Variants in DNM3 observed in about 807,000 individuals in gnomAD.
The protein encoded by DNM3 is dynamin-3.
In DNM3, 47 loss-of-function variants were observed where a neutral mutation model predicts 101.6. The ratio of observed to expected loss-of-function variants is 0.46; its 90% confidence interval spans 0.37 to 0.59. The LOEUF (loss-of-function observed/expected upper bound fraction) is 0.59, where lower values mean the gene tolerates loss of function less well. Ranked by LOEUF, DNM3 falls within the 20% of genes least tolerant of loss-of-function variation. The probability of loss-of-function intolerance (pLI) is 0.00; values close to 1 mark genes in which losing one functional copy is unlikely to be tolerated. For missense variants in DNM3, 849 were observed against 1,085.7 expected (o/e 0.78, Z 3.06); for synonymous variants, 385 against 387.9 (o/e 0.99, Z 0.09).
At chr1:171,888,530 G>A (rs369899766) in intron 1 of DNM3, among the ~76,000 whole-genome samples, 7 of 152,108 alleles carry the variant, frequency 4.6e-5, no homozygotes, top group Admixed American at 2.0e-4. Flanking sequence ...TCCTGACCTC[G>A]AGTAAATAAT....
chr1:172,399,332 G>A (rs1190990667), intron 20 of DNM3, among the ~76,000 whole-genome samples: 1 of 152,136 alleles, frequency 6.6e-6, no homozygotes, highest in Admixed American at 6.5e-5. Context: ...TCAAATTCTT[G>A]AGCCAGTGTC....
intron 17 of DNM3, among the ~76,000 whole-genome samples, chr1:172,357,255 T>C (rs944449991): frequency 6.6e-6 from 1 of 152,078 alleles, no homozygotes; most frequent in African/African-American, 2.4e-5. Flanking sequence ...GATATTCACA[T>C]AGCCTCAAAT....
At chr1:172,109,768 A>G (rs1287798609) in intron 13 of DNM3, among the ~76,000 whole-genome samples, 1 of 152,212 alleles carries the variant, frequency 6.6e-6, no homozygotes, top group East Asian at 1.9e-4. Flanking sequence ...TTAGTTTTCA[A>G]TGGAAATCAG....
intron 1 of DNM3, among the ~76,000 whole-genome samples, chr1:171,851,393 T>G (rs1028693840): frequency 9.2e-5 from 14 of 152,166 alleles, no homozygotes; most frequent in Admixed American, 7.2e-4. Context: ...TGAGAATAGT[T>G]GAGTGGGCTT....
At chr1:172,162,872 A>G (rs952026151) in intron 14 of DNM3, among the ~76,000 whole-genome samples, 3 of 152,118 alleles carry the variant, frequency 2.0e-5, no homozygotes, top group Admixed American at 2.0e-4. Flanking sequence ...TATGCAAAAG[A>G]TATTTTGTGA....
chr1:172,135,593 TC>T (rs532594000), intron 14 of DNM3, among the ~76,000 whole-genome samples: 136 of 152,268 alleles, frequency 8.9e-4, no homozygotes, highest in African/African-American at 2.6e-3. Context: ...AAAATTAATT[TC>T]CCAATGTTGT....
At chr1:172,335,840 C>T (rs1469518303) in intron 17 of DNM3, among the ~76,000 whole-genome samples, 2 of 152,018 alleles carry the variant, frequency 1.3e-5, no homozygotes, top group South Asian at 2.1e-4. Context: ...TTTTTGGGTA[C>T]TATGCTCAGT....
At chr1:172,267,947 C>T (rs542448872) in intron 15 of DNM3, among the ~76,000 whole-genome samples, 9 of 152,216 alleles carry the variant, frequency 5.9e-5, no homozygotes, top group East Asian at 3.9e-4. Context: ...CTCCTGACCT[C>T]GTGATTCACC....
chr1:171,857,187 T>C (rs1299900333), intron 1 of DNM3, among the ~76,000 whole-genome samples: 2 of 152,150 alleles, frequency 1.3e-5, no homozygotes, highest in Admixed American at 1.3e-4. Context: ...GTGCCTGGAG[T>C]CAGGCTTTAG....
intron 12 of DNM3, among the ~76,000 whole-genome samples, chr1:172,087,236 A>G (rs1340372259): frequency 6.6e-6 from 1 of 152,026 alleles, no homozygotes; most frequent in Non-Finnish European, 1.5e-5. Flanking sequence ...CACTCTAGCC[A>G]CTTCTCAGTC....
At chr1:172,301,800 A>C (rs991323411) in intron 15 of DNM3, among the ~76,000 whole-genome samples, 2 of 152,188 alleles carry the variant, frequency 1.3e-5, no homozygotes, top group Non-Finnish European at 2.9e-5. Context: ...GCATGACACA[A>C]GATAATAGAG....
chr1:172,195,888 G>A (rs546149964), intron 14 of DNM3, among the ~76,000 whole-genome samples: 1 of 149,928 alleles, frequency 6.7e-6, no homozygotes, highest in East Asian at 2.0e-4. Context: ...TTCCTTTTTT[G>A]TAGTAACTAT....
intron 14 of DNM3, among the ~76,000 whole-genome samples, chr1:172,134,326 G>A (rs963942051): frequency 1.1e-4 from 17 of 152,102 alleles, no homozygotes; most frequent in Non-Finnish European, 2.2e-4. Context: ...ATTTAAGCAG[G>A]TATAATGACT....
Position 171,935,635 on chromosome 1 carries a change from T to C in DNM3, c.235+13814T>C, listed in dbSNP as rs953466687. Among the ~76,000 whole-genome samples, 11 of 152,222 alleles carry C rather than the reference T, an allele frequency of 7.2e-5. 2 individuals are homozygous for C. The South Asian group carries it at 2.3e-3, about 32-fold the overall frequency. Reference sequence around the variant, plus strand: ...CTCCAGCGCCATGTTGAAACTGGCTTATGCCAGCTCCTAAGATCTGATTGT... The same window carrying C: ...CTCCAGCGCCATGTTGAAACTGGCTCATGCCAGCTCCTAAGATCTGATTGT... On this transcript the variant is annotated intron_variant, in intron 2 of 20. Transcript: ENST00000627582.
At chr1:172,203,739 A>G (rs908276273) in intron 14 of DNM3, among the ~76,000 whole-genome samples, 1 of 152,180 alleles carries the variant, frequency 6.6e-6, no homozygotes, top group Non-Finnish European at 1.5e-5. Flanking sequence ...TCTTATTATT[A>G]AATAGTGTGT....
chr1:171,883,406 CACACACACCCT>C (rs768977373), intron 1 of DNM3, among the ~76,000 whole-genome samples: 13,421 of 127,022 alleles, frequency 0.11, 777 homozygotes, highest in Middle Eastern at 0.13. Flanking sequence ...CACACACACA[CACACACACCCT>C]GTCAGAATGA....
chr1:172,418,344 CCAA>C (rs2071504149), exon 21 of DNM3: 2 of 1,287,522 alleles, frequency 1.6e-6, no homozygotes, highest in Admixed American at 2.3e-5. Flanking sequence ...CCTTTTGTTT[CCAA>C]CAACATGTCT....
intron 15 of DNM3, among the ~76,000 whole-genome samples, chr1:172,281,301 T>C (rs1165047969): frequency 2.0e-5 from 3 of 151,998 alleles, no homozygotes; most frequent in African/African-American, 7.3e-5. Context: ...TTTCAAGAGA[T>C]GGAAAAATGA....
At chr1:172,153,355 C>T (rs1249541775) in intron 14 of DNM3, among the ~76,000 whole-genome samples, 2 of 152,096 alleles carry the variant, frequency 1.3e-5, no homozygotes, top group African/African-American at 2.4e-5. Flanking sequence ...CATTTCTACC[C>T]TTGGTGACTT....
Sources: allele counts gnomAD v4.1 joint callset (sites outside exome capture counted in the v4.1 genomes callset), GRCh38; gene constraint gnomAD v4.1.1; transcripts MANE v1.5; gene names NCBI Gene and HGNC (gene_info 2026-07-23, HGNC 2026-07-21).